Variants in EPHA8 observed in about 807,000 individuals in gnomAD.
EPHA8 encodes ephrin type-A receptor 8.
EPHA8 carries 58 observed loss-of-function variants against 103.6 expected under a neutral mutation model. The ratio of observed to expected loss-of-function variants is 0.56; its 90% CI spans 0.45 to 0.70. The LOEUF (loss-of-function observed/expected upper bound fraction) is 0.70. EPHA8 is among the 30% of genes least tolerant of loss of function. The pLI, the probability that EPHA8 is intolerant of heterozygous loss-of-function variation, is 0.00. For synonymous variants in EPHA8, 559 were observed against 572.5 expected, an observed-to-expected ratio of 0.98 and a Z score of 0.34; for missense variants, 1,304 against 1,395.2, an observed-to-expected ratio of 0.93 and a Z score of 1.04.
intron 3 of EPHA8, among the ~76,000 whole-genome samples, chr1:22,577,934 AGT>A (rs1204002883): frequency 4.3e-4 from 2 of 4,598 alleles, no homozygotes; most frequent in Admixed American, 2.4e-3. Context: ...TGTGTGCGTG[AGT>A]GTATGTGTGC....
intron 2 of EPHA8, among the ~76,000 whole-genome samples, chr1:22,575,160 A>G (rs1241253950): frequency 6.6e-6 from 1 of 152,198 alleles, no homozygotes; most frequent in Non-Finnish European, 1.5e-5. Flanking sequence ...CATGTTGGCC[A>G]GGCTGGTCTT....
chr1:22,580,770 G>A (rs1641023081), intron 3 of EPHA8, among the ~76,000 whole-genome samples: 1 of 152,258 alleles, frequency 6.6e-6, no homozygotes, highest in African/African-American at 2.4e-5. Flanking sequence ...AGATGGGGAA[G>A]CTGAGGTGTA....
At chr1:22,565,557 T>C (rs1406835777) in intron 1 of EPHA8, among the ~76,000 whole-genome samples, 4 of 152,154 alleles carry the variant, frequency 2.6e-5, no homozygotes, top group Non-Finnish European at 4.4e-5. Flanking sequence ...ATCGAGGCGC[T>C]GGGAGTCAGG....
Position 22,593,759 on chromosome 1 carries a change from G to A in EPHA8, c.1603+73G>A, listed in dbSNP as rs899230445. The A allele has an allele frequency of 3.5e-6, 5 of 1,445,326 alleles. No homozygotes were observed. In the African/African-American group the frequency reaches 7.2e-5, roughly 21 times the overall value. The allele number at this position is 1,445,326 out of a possible 1,614,324, so 89.5% of individuals were successfully genotyped here. On this transcript the variant is annotated intron_variant, in intron 7 of 16. Transcript: ENST00000166244. ...ACCCTGGGGTCGGGGGGTGGCCGAGGAGAGAGCTAGTGCAGGCTGAGCCAG... is the reference window on the plus strand; with the variant it reads ...ACCCTGGGGTCGGGGGGTGGCCGAGAAGAGAGCTAGTGCAGGCTGAGCCAG...
intron 3 of EPHA8, among the ~76,000 whole-genome samples, chr1:22,577,629 T>C (rs1640747646): frequency 6.6e-6 from 1 of 151,958 alleles, no homozygotes; most frequent in Admixed American, 6.5e-5. Context: ...AAGGGCCTTG[T>C]GGAGGAGGAC....
At position 22,569,359 on chromosome 1, in the gene EPHA8, T is replaced by C; in HGVS notation, c.159+6T>C. Reference sequence around the variant, plus strand: ...TCACGTATCCGGCTCATGGGGTGAGTGATGGGCACTGGGGACAACGTCATC... The same window carrying C: ...TCACGTATCCGGCTCATGGGGTGAGCGATGGGCACTGGGGACAACGTCATC... On this transcript the variant is annotated splice_donor_region_variant and intron_variant, in intron 2 of 16. Transcript: ENST00000166244. The surrounding 1 kb of genome is among the most constrained non-coding windows in gnomAD (Gnocchi z 4.5). 1 of 1,585,960 alleles carries C rather than the reference T, an allele frequency of 6.3e-7. No homozygotes were observed. The highest frequency in any genetic ancestry group is 2.3e-5 in the East Asian group (1 of 44,114).
At chr1:22,585,998 C>T (rs1387301723) in intron 3 of EPHA8, among the ~76,000 whole-genome samples, 1 of 152,162 alleles carries the variant, frequency 6.6e-6, no homozygotes, top group Non-Finnish European at 1.5e-5. Context: ...TCCCAGCACC[C>T]CCATCCCTGG....
chr1:22,599,769 A>G (rs1427523678), intron 13 of EPHA8, among the ~76,000 whole-genome samples: 2 of 52,592 alleles, frequency 3.8e-5, no homozygotes, highest in African/African-American at 8.7e-5. Flanking sequence ...GAAGGGAGAG[A>G]GGGAGGAAGG....
chr1:22,581,171 C>A (rs568846436), intron 3 of EPHA8, among the ~76,000 whole-genome samples: 1 of 152,308 alleles, frequency 6.6e-6, no homozygotes, highest in East Asian at 1.9e-4. Context: ...GAGTAGTGAT[C>A]TGATCCCAGG....
chr1:22,593,281 C>T (rs1001049226), intron 5 of EPHA8, 45 bp from the exon 6 acceptor site: 17 of 1,538,730 alleles, frequency 1.1e-5, no homozygotes, highest in African/African-American at 5.5e-5. Flanking sequence ...AGAGAGGCCA[C>T]GCCTTGTCTC....
At chr1:22,583,658 C>A (rs1019107295) in intron 3 of EPHA8, among the ~76,000 whole-genome samples, 3 of 152,270 alleles carry the variant, frequency 2.0e-5, no homozygotes, top group African/African-American at 4.8e-5. Context: ...TCACTCATGT[C>A]ATGCTTGCCA....
In EPHA8 at chr1:22,597,391, C is replaced by T; in HGVS notation, c.1845C>T (p.Thr615=). 1.9e-6 allele frequency: 3 copies of T among 1,613,502 alleles called. No homozygotes were observed. The change falls in exon 10 of 17, where the codon ACC becomes ACT. Residue 615 remains threonine, a synonymous_variant. Transcript: ENST00000166244. The surrounding 1 kb of genome is among the most constrained non-coding windows in gnomAD (Gnocchi z 4.6). ...PEPQFYAEPH[T]YEEPGRAGRS... ...CCCAGTTCTATGCGGAACCCCACAC[C>T]TACGAGGAGCCAGGCCGGGCGGGCC...
At chr1:22,588,361 G>A (rs1641275642) in intron 4 of EPHA8, among the ~76,000 whole-genome samples, 1 of 152,306 alleles carries the variant, frequency 6.6e-6, no homozygotes, top group South Asian at 2.1e-4. Context: ...CATGCCCGGG[G>A]TTGGGGAGCG....
Position 22,603,259 on chromosome 1 carries a change from G to C in EPHA8, c.*1518G>C, listed in dbSNP as rs1017150500. ...TCCTGCAATAATTCGGGGAGTCTCA[G>C]CCCCATCCAGGTGCCGCGGCCAGCT... On this transcript the variant is annotated 3_prime_UTR_variant, in exon 17 of 17. Coordinates refer to ENST00000166244, the MANE Select transcript of EPHA8 (RefSeq NM_020526.5). 4.6e-5 allele frequency: 7 copies of C among 152,190 alleles called. No homozygotes were observed. Among genetic ancestry groups the C allele is most frequent in the East Asian group, 2.0e-4 (1 of 5,116 alleles). 9.4% of individuals were successfully genotyped at this position (152,190 alleles called of 1,614,324 possible). A position where few individuals can be genotyped will look rare whatever the true frequency, so the allele number is the denominator to read the frequency against.
Position 22,567,003 on chromosome 1 carries a change from AT to A in EPHA8, c.95-2284del. ...GAATTGACTTTTGACTTATCTTTGGATTATCTGATCCCCCTGGCTGGTTGAT... is the reference window on the plus strand; with the variant it reads ...GAATTGACTTTTGACTTATCTTTGGATATCTGATCCCCCTGGCTGGTTGAT... On this transcript the variant is annotated intron_variant, in intron 1 of 16. Coordinates refer to ENST00000166244, the MANE Select transcript of EPHA8 (RefSeq NM_020526.5). This position sits in a 1 kb window ranked among gnomAD's most constrained non-coding sequence, Gnocchi z 4.2. Among the ~76,000 whole-genome samples the A allele has an allele frequency of 6.6e-6, 1 of 152,236 alleles. No individual in the cohort carries two copies. Among genetic ancestry groups the A allele is most frequent in the Non-Finnish European group, 1.5e-5 (1 of 67,994 alleles).
rs1303120808 is a variant in EPHA8 at position 22,578,127 on chromosome 1, CATGTGTGCATGTGTGT to C, written c.823+1256_823+1271del. On this transcript the variant is annotated intron_variant, in intron 3 of 16. Transcript: ENST00000166244. Reference sequence around the variant, plus strand: ...GTATGCATGTGTGCGTGAGTGTATGCATGTGTGCATGTGTGTATGTGTGCGTGTGTGCATGAGTGTA... The same window carrying C: ...GTATGCATGTGTGCGTGAGTGTATGCATGTGTGCGTGTGTGCATGAGTGTA... Among the ~76,000 whole-genome samples, 17 of 42,152 alleles carry C rather than the reference CATGTGTGCATGTGTGT, an allele frequency of 4.0e-4. No homozygotes were observed. In the East Asian group the frequency reaches 0.014, roughly 34 times the overall value. 27.7% of individuals were successfully genotyped at this position (42,152 alleles called of 152,430 possible).
chr1:22,575,885 G>A (rs531652645), intron 2 of EPHA8, among the ~76,000 whole-genome samples: 1 of 152,270 alleles, frequency 6.6e-6, no homozygotes, highest in African/African-American at 2.4e-5. Context: ...AAAGATAGGA[G>A]GAGCCACAGA....
At chr1:22,600,633 C>T (rs55821293) in intron 13 of EPHA8, 28 bp from the exon 14 acceptor site, 109,375 of 1,609,924 alleles carry the variant, frequency 0.068, 4,153 homozygotes, top group South Asian at 0.12. Flanking sequence ...GCCTGGGCAG[C>T]CCCTCAACTC....
Position 22,597,351 on chromosome 1 carries a change from G to C in EPHA8, c.1805G>C (p.Gly602Ala). The C allele has an allele frequency of 6.2e-7, 1 of 1,611,860 alleles. No individual in the cohort carries two copies. Among genetic ancestry groups the C allele is most frequent in the Non-Finnish European group, 8.5e-7 (1 of 1,179,038 alleles). The change falls in exon 10 of 17, where the codon GGA (glycine) becomes GCA (alanine). Residue 602 changes from glycine to alanine, a missense_variant. Physicochemically the swap from Gly to Ala is moderately conservative, Grantham distance 60. Coordinates refer to ENST00000166244, the MANE Select transcript of EPHA8 (RefSeq NM_020526.5). This position sits in a 1 kb window ranked among gnomAD's most constrained non-coding sequence, Gnocchi z 4.6. ...TTCCTGCCTCTGCATCACCCCCCGG[G>C]AAAGCTCCCAGAGCCCCAGTTCTAT... ...PVFLPLHHPP[G>A]KLPEPQFYAE... is the part of the protein sequence containing the mutation.
Sources: allele counts gnomAD v4.1 joint callset (sites outside exome capture counted in the v4.1 genomes callset), GRCh38; gene constraint gnomAD v4.1.1; non-coding constraint Gnocchi (gnomAD v3.1); transcripts MANE v1.5; gene names NCBI Gene and HGNC (gene_info 2026-07-23, HGNC 2026-07-21).